Variants in VCPKMT observed in about 807,000 individuals in gnomAD.
VCPKMT encodes valosin containing protein lysine methyltransferase.
Under a neutral mutation model 28.6 loss-of-function variants are expected in VCPKMT, and 32 were observed. That is an observed-to-expected ratio of 1.12 (90% CI 0.84 to 1.50). The LOEUF (loss-of-function observed/expected upper bound fraction) is 1.50, where lower values mean the gene tolerates loss of function less well. VCPKMT is among the 40% of genes most tolerant of loss of function. The pLI, the probability that VCPKMT is intolerant of heterozygous loss-of-function variation, is 0.00. For missense variants in VCPKMT, 366 were observed against 285.0 expected (o/e 1.28, Z -2.05); for synonymous variants, 138 against 111.4 (o/e 1.24, Z -1.50).
In VCPKMT at chr14:50,116,464, A is replaced by G; in HGVS notation, c.89T>C (p.Leu30Pro). ...LEKRDGTVLR[L>P]QQYSSGGVGC... is the part of the protein sequence containing the mutation. ...CACGCCACCGGAGCTATACTGCTGT[A>G]GTCGTAGCACTGTACCATCCCGCTT... The change falls in exon 1 of 6, where the codon CTA becomes CCA. Residue 30 changes from leucine (L) to proline (P), a missense_variant. Coordinates refer to ENST00000395860, the MANE Select transcript of VCPKMT (RefSeq NM_024558.3). 1 of 1,614,054 alleles carries G rather than the reference A, an allele frequency of 6.2e-7. No individual in the cohort carries two copies. Among genetic ancestry groups the G allele is most frequent in the Non-Finnish European group, 8.5e-7 (1 of 1,179,964 alleles).
chr14:50,111,666 C>T (rs1423414115), intron 5 of VCPKMT: 4 of 954,390 alleles, frequency 4.2e-6, no homozygotes, highest in South Asian at 9.7e-5. Flanking sequence ...TCACTGGAGT[C>T]CAGGAGTGCA....
At chr14:50,107,896 G>A (rs1183544917), downstream of VCPKMT, among the ~76,000 whole-genome samples, 1 of 152,062 alleles carries the variant, frequency 6.6e-6, no homozygotes, top group Non-Finnish European at 1.5e-5. Context: ...GATAGTGTGT[G>A]TTAAAAGAGG....
downstream of VCPKMT, among the ~76,000 whole-genome samples, chr14:50,107,557 G>A (rs985552601): frequency 5.9e-5 from 9 of 152,064 alleles, no homozygotes; most frequent in Non-Finnish European, 1.2e-4. Flanking sequence ...CAGGAGATCC[G>A]TCTGCCTCGG....
intron 2 of VCPKMT, 50 bp downstream of exon 2, chr14:50,116,019 A>T (rs1451136496): frequency 6.3e-7 from 1 of 1,594,168 alleles, no homozygotes; most frequent in African/African-American, 1.3e-5. Context: ...ACGCAATTCA[A>T]AACAAACTAC....
intron 1 of VCPKMT, 25 bp from the exon 2 acceptor site, chr14:50,116,204 G>T (rs1306490179): frequency 6.2e-7 from 1 of 1,613,708 alleles, no homozygotes; most frequent in Non-Finnish European, 8.5e-7. Context: ...CGACTGAGGT[G>T]TAGGCACAGG....
chr14:50,115,836 T>TA lies in VCPKMT; in HGVS notation c.450+2dup. On this transcript the variant is annotated splice_region_variant and intron_variant, in intron 3 of 5. Transcript: ENST00000395860. ...GAAGAGACTTCGCTCACTGGATACTTACCTCTTCATAGTATATGCAGTCGG... is the reference window on the plus strand; with the variant it reads ...GAAGAGACTTCGCTCACTGGATACTTAACCTCTTCATAGTATATGCAGTCGG... The TA allele has an allele frequency of 1.2e-6, 2 of 1,602,174 alleles. No individual in the cohort carries two copies. Among genetic ancestry groups the TA allele is most frequent in the Non-Finnish European group, 1.7e-6 (2 of 1,170,378 alleles).
chr14:50,115,565 A>C (rs149774777), intron 3 of VCPKMT, among the ~76,000 whole-genome samples: 12 of 152,382 alleles, frequency 7.9e-5, no homozygotes, highest in African/African-American at 2.9e-4. Flanking sequence ...TTGGCTTTTC[A>C]TAACATCCAA....
downstream of VCPKMT, among the ~76,000 whole-genome samples, chr14:50,104,784 T>C (rs1019531968): frequency 5.3e-5 from 8 of 152,182 alleles, no homozygotes; most frequent in African/African-American, 1.9e-4. Flanking sequence ...TGAAAGGTAC[T>C]TTCAAGGTGA....
At chr14:50,104,078 G>T (rs1882242454), downstream of VCPKMT, among the ~76,000 whole-genome samples, 1 of 152,226 alleles carries the variant, frequency 6.6e-6, no homozygotes, top group South Asian at 2.1e-4. Flanking sequence ...CACACAGCTA[G>T]TAAGTGGCAG....
At chr14:50,113,229 T>C (rs1178268882) in intron 4 of VCPKMT, 2 of 152,230 alleles carry the variant, frequency 1.3e-5, no homozygotes, top group African/African-American at 4.8e-5. Flanking sequence ...GACTGATACA[T>C]ATGCATTTTA....
downstream of VCPKMT, chr14:50,106,650 AAG>A: frequency 1.0e-6 from 1 of 985,174 alleles, no homozygotes. Context: ...TCCAGCCAGA[AAG>A]AGAAATACTG....
chr14:50,103,281 A>C, the VCPKMT span, among the ~76,000 whole-genome samples: 1 of 152,258 alleles, frequency 6.6e-6, no homozygotes, highest in Non-Finnish European at 1.5e-5. Flanking sequence ...TAAGTCCTGC[A>C]TCCCACACAC....
chr14:50,103,728 C>T (rs533291252), downstream of VCPKMT, among the ~76,000 whole-genome samples: 7 of 152,288 alleles, frequency 4.6e-5, no homozygotes, highest in South Asian at 1.5e-3. Flanking sequence ...AATAACAGTA[C>T]ATGTTGTGTA....
Position 50,109,388 on chromosome 14 carries a change from T to C in VCPKMT, c.*311A>G. On this transcript the variant is annotated 3_prime_UTR_variant, in exon 6 of 6. Transcript: ENST00000395860. The stretch of plus-strand genomic sequence containing the variant: ...GGTCCAGTCAAATCATGTTGGCTGT[T>C]TTTGGCAGATTTCAGCCTCGCCTCA... The C allele has an allele frequency of 1.8e-6, 2 of 1,094,692 alleles. No homozygotes were observed. The highest frequency in any genetic ancestry group is 7.9e-4 in the Middle Eastern group (2 of 2,528). The allele number at this position is 1,094,692 out of a possible 1,614,324, so 67.8% of individuals were successfully genotyped here.
chr14:50,113,794 C>CGGGGGGGGG (rs61233901), intron 4 of VCPKMT, among the ~76,000 whole-genome samples: 1 of 8,336 alleles, frequency 1.2e-4, no homozygotes, highest in Non-Finnish European at 3.5e-4. Flanking sequence ...TACTTGGGGG[C>CGGGGGGGGG]GGGGGGGGGG....
At chr14:50,111,820 C>A (rs894161586) in intron 5 of VCPKMT, 19 of 821,100 alleles carry the variant, frequency 2.3e-5, no homozygotes, top group Non-Finnish European at 2.6e-5. Context: ...GCCTGCAAGG[C>A]AGAGGCTGCA....
At position 50,112,612 on chromosome 14, in the gene VCPKMT, T is replaced by C; in HGVS notation, c.675+3A>G. On this transcript the variant is annotated splice_donor_region_variant and intron_variant, in intron 5 of 5. Coordinates refer to ENST00000395860, the MANE Select transcript of VCPKMT (RefSeq NM_024558.3). ...AGAATGAAGAACTGAGAATGTTATTTACCGATTTTTTCTTTCTGATGTATA... is the reference window on the plus strand; with the variant it reads ...AGAATGAAGAACTGAGAATGTTATTCACCGATTTTTTCTTTCTGATGTATA... 6.6e-7 allele frequency: 1 copy of C among 1,509,482 alleles called. No homozygotes were observed. The highest frequency in any genetic ancestry group is 9.0e-7 in the Non-Finnish European group (1 of 1,107,338). 93.5% of individuals were successfully genotyped at this position (1,509,482 alleles called of 1,614,324 possible).
At position 50,110,321 on chromosome 14, in the gene VCPKMT, G is replaced by C. The variant is rs530389173; in HGVS notation, c.676-608C>G. Reference sequence around the variant, plus strand: ...TGAGAAAATGAAAAGACAACCCACAGAATGGGAGAAAATATTCACAAATAA... The same window carrying C: ...TGAGAAAATGAAAAGACAACCCACACAATGGGAGAAAATATTCACAAATAA... On this transcript the variant is annotated intron_variant, in intron 5 of 5. Coordinates refer to ENST00000395860, the MANE Select transcript of VCPKMT (RefSeq NM_024558.3). Among the ~76,000 whole-genome samples the C allele has an allele frequency of 2.0e-5, 3 of 152,240 alleles. No homozygotes were observed. In the South Asian group the frequency reaches 6.2e-4, roughly 32 times the overall value.
Position 50,116,144 on chromosome 14 carries a change from T to C in VCPKMT, c.302A>G (p.Gln101Arg), listed in dbSNP as rs1377902288. ...ATTAATATTCATCTTCAGCAAGTCTTGCAATTCCTCAAGATCGGTGACTAC... is the reference window on the plus strand; with the variant it reads ...ATTAATATTCATCTTCAGCAAGTCTCGCAATTCCTCAAGATCGGTGACTAC... ...DVVVTDLEELQDLLKMNINMN... is the reference protein window; with the variant it reads ...DVVVTDLEELRDLLKMNINMN... The change falls in exon 2 of 6, where the codon CAA (glutamine) becomes CGA (arginine). Residue 101 changes from glutamine (Q) to arginine (R), a missense_variant. By Grantham distance (43) the Gln-to-Arg change is conservative. Coordinates refer to ENST00000395860, the MANE Select transcript of VCPKMT (RefSeq NM_024558.3). 1.2e-6 allele frequency: 2 copies of C among 1,614,002 alleles called. No homozygotes were observed. The highest frequency in any genetic ancestry group is 2.7e-5 in the African/African-American group (2 of 74,926).
Sources: gnomAD v4.1 joint callset for allele counts (sites outside exome capture counted in the v4.1 genomes callset) on GRCh38, gnomAD v4.1.1 for gene constraint, MANE v1.5 for transcripts, NCBI Gene and HGNC (gene_info 2026-07-23, HGNC 2026-07-21) for gene names.